CWF19L2: variants seen among roughly 807,000 people sequenced by gnomAD.
CWF19L2 encodes CWF19 like cell cycle control factor 2.
Under a neutral mutation model 111.7 loss-of-function variants are expected in CWF19L2, and 98 were observed. The ratio of observed to expected loss-of-function variants is 0.88; its 90% CI spans 0.75 to 1.04. CWF19L2 has a LOEUF of 1.04. Among genes scored for constraint, CWF19L2 ranks in the 50% least tolerant of loss-of-function variants. CWF19L2 has a pLI of 0.00. For missense variants in CWF19L2, 1,101 were observed against 1,051.4 expected (o/e 1.05, Z -0.65); for synonymous variants, 351 against 342.9 (o/e 1.02, Z -0.26).
chr11:107,448,973 C>T (rs1861740295), intron 3 of CWF19L2, among the ~76,000 whole-genome samples: 2 of 151,520 alleles, frequency 1.3e-5, no homozygotes, highest in African/African-American at 4.9e-5. Context: ...AATACCAAGA[C>T]ATATCACAAT....
intron 3 of CWF19L2, among the ~76,000 whole-genome samples, chr11:107,448,837 C>T (rs899703787): frequency 3.9e-5 from 6 of 152,150 alleles, no homozygotes; most frequent in Non-Finnish European, 8.8e-5. Context: ...CTACCAGCGC[C>T]TCGATCTTAG....
In CWF19L2 at chr11:107,374,428, G is replaced by C. The variant is rs1319039873; in HGVS notation, c.1872+15646C>G. On this transcript the variant is annotated intron_variant, in intron 12 of 17. Coordinates refer to ENST00000282251, the MANE Select transcript of CWF19L2 (RefSeq NM_152434.3). Reference sequence around the variant, plus strand: ...CAGACTAACAGCAGATCTCTCGGCAGAAACTCTACAAGCCAGAAGAGAGTG... The same window carrying C: ...CAGACTAACAGCAGATCTCTCGGCACAAACTCTACAAGCCAGAAGAGAGTG... 2.7e-4 allele frequency among the ~76,000 whole-genome samples: 36 copies of C among 134,844 alleles called. 5 individuals are homozygous for C. Among genetic ancestry groups the C allele is most frequent in the African/African-American group, 1.1e-3 (36 of 32,620 alleles). 88.5% of individuals were successfully genotyped at this position (134,844 alleles called of 152,430 possible). A position where few individuals can be genotyped will look rare whatever the true frequency, so the allele number is the denominator to read the frequency against.
Position 107,429,225 on chromosome 11 carries a change from T to A in CWF19L2, c.1007A>T (p.Glu336Val), listed in dbSNP as rs758679994. 1 of 1,612,772 alleles carries A rather than the reference T, an allele frequency of 6.2e-7. No individual in the cohort carries two copies. The highest frequency in any genetic ancestry group is 1.1e-5 in the South Asian group (1 of 90,688). ...TAAAGACCCAGGTCTCTTATCTTTT[T>A]CATCACCAATAAATTTTTCATTATT... is the stretch of plus-strand genomic sequence containing the variant. ...NSNNEKFIGD[E>V]KDKRPGSLET... Residue 336 changes from glutamate (E) to valine (V), a missense_variant, in exon 8 of 18, where the codon GAA becomes GTA. By Grantham distance (121) the Glu-to-Val change is moderately radical. Transcript: ENST00000282251.
intron 5 of CWF19L2, among the ~76,000 whole-genome samples, chr11:107,440,029 A>C (rs1259454172): frequency 6.6e-6 from 1 of 152,206 alleles, no homozygotes; most frequent in Non-Finnish European, 1.5e-5. Context: ...TGTTCTAAGC[A>C]CGATGCCAGG....
chr11:107,334,913 T>C lies in CWF19L2; in HGVS notation c.2407A>G (p.Ile803Val), dbSNP rs1353344392. The change falls in exon 16 of 18, where the codon ATA becomes GTA. Residue 803 changes from isoleucine (I) to valine (V), a missense_variant. By Grantham distance (29) the Ile-to-Val change is conservative. Coordinates refer to ENST00000282251, the MANE Select transcript of CWF19L2 (RefSeq NM_152434.3). ...DEEWSMNKKL[I>V]DLSSKDIRKS... The stretch of plus-strand genomic sequence containing the variant: ...CTGATATCTTTTGAAGAGAGATCTA[T>C]CAACTTCTTGTTCATGGACCACTCT... The C allele has an allele frequency of 6.2e-7, 1 of 1,607,726 alleles. No homozygotes were observed.
intron 15 of CWF19L2, among the ~76,000 whole-genome samples, chr11:107,336,124 G>A (rs1261795306): frequency 1.3e-5 from 2 of 152,030 alleles, no homozygotes; most frequent in East Asian, 2.0e-4. Context: ...AGGAGGCTGA[G>A]ACAGGAGAAT....
intron 4 of CWF19L2, 38 bp downstream of exon 4, chr11:107,442,901 G>GAAGGAAGC: frequency 7.8e-7 from 1 of 1,289,814 alleles, no homozygotes; most frequent in East Asian, 2.5e-5. Context: ...AGGAAGGAAG[G>GAAGGAAGC]AAGAAAGCAA....
At chr11:107,390,487 C>CGTAG (rs1440856562) in intron 11 of CWF19L2, among the ~76,000 whole-genome samples, 1 of 152,206 alleles carries the variant, frequency 6.6e-6, no homozygotes, top group Non-Finnish European at 1.5e-5. Flanking sequence ...AACTGCTCTA[C>CGTAG]CCCTTCTTCT....
At chr11:107,357,807 A>G (rs686806) in intron 12 of CWF19L2, among the ~76,000 whole-genome samples, 125,819 of 152,188 alleles carry the variant, frequency 0.83, 52,582 homozygotes, top group African/African-American at 0.95. Flanking sequence ...CCGTATTCTC[A>G]TTATTTGAGA....
At chr11:107,376,222 C>T (rs1416805606) in intron 12 of CWF19L2, among the ~76,000 whole-genome samples, 1 of 114,550 alleles carries the variant, frequency 8.7e-6, no homozygotes, top group Non-Finnish European at 1.8e-5. Flanking sequence ...TGAAACTATT[C>T]CAATCAATAG....
At chr11:107,442,328 T>A (rs1218837203) in intron 4 of CWF19L2, among the ~76,000 whole-genome samples, 1 of 152,166 alleles carries the variant, frequency 6.6e-6, no homozygotes, top group African/African-American at 2.4e-5. Context: ...CTGAAGAAAT[T>A]TTAATCATCT....
At chr11:107,381,706 T>C (rs1343350510) in intron 12 of CWF19L2, among the ~76,000 whole-genome samples, 1 of 152,168 alleles carries the variant, frequency 6.6e-6, no homozygotes, top group Non-Finnish European at 1.5e-5. Context: ...ACTTAATCTC[T>C]CAAAATCTGA....
intron 17 of CWF19L2, among the ~76,000 whole-genome samples, chr11:107,328,138 C>CAAAAAA (rs10578324): frequency 8.4e-6 from 1 of 118,430 alleles, no homozygotes; most frequent in African/African-American, 3.3e-5. Context: ...TGTGGAGACT[C>CAAAAAA]AAAAAAAAAA....
At chr11:107,328,502 G>A (rs1342751426) in intron 17 of CWF19L2, among the ~76,000 whole-genome samples, 1 of 152,134 alleles carries the variant, frequency 6.6e-6, no homozygotes, top group Non-Finnish European at 1.5e-5. Flanking sequence ...CAGACTGCAG[G>A]GAGGTCTTGA....
At chr11:107,342,188 T>C (rs796906074) in intron 14 of CWF19L2, among the ~76,000 whole-genome samples, 16 of 152,168 alleles carry the variant, frequency 1.1e-4, no homozygotes, top group African/African-American at 3.4e-4. Flanking sequence ...TAAATTTCTC[T>C]CTCGGCACTC....
At chr11:107,356,408 A>G (rs1860237931) in intron 12 of CWF19L2, among the ~76,000 whole-genome samples, 1 of 152,208 alleles carries the variant, frequency 6.6e-6, no homozygotes, top group Non-Finnish European at 1.5e-5. Context: ...AGGTAAAAAG[A>G]TTATTACCAA....
chr11:107,408,634 T>TTTCTAACTGGTAA (rs1861114961), intron 10 of CWF19L2, among the ~76,000 whole-genome samples: 1 of 151,970 alleles, frequency 6.6e-6, no homozygotes, highest in African/African-American at 2.4e-5. Flanking sequence ...TAAGATGGTA[T>TTTCTAACTGGTAA]TTCTAACTGC....
intron 10 of CWF19L2, chr11:107,404,640 C>T: frequency 2.0e-6 from 1 of 503,028 alleles, no homozygotes; most frequent in South Asian, 1.8e-5. Flanking sequence ...CCCACGCTTA[C>T]CCCAACAGAT....
rs1206583265 is a variant in CWF19L2, at chr11:107,373,303, C to T, written c.1872+16771G>A. Among the ~76,000 whole-genome samples the T allele has an allele frequency of 1.6e-4, 21 of 128,792 alleles. 4 individuals are homozygous for T. In the South Asian group the frequency reaches 2.1e-3, roughly 13 times the overall value. The allele number at this position is 128,792 out of a possible 152,430, so 84.5% of individuals were successfully genotyped here. Reference sequence around the variant, plus strand: ...GGAGGACTGCCTGCCTCTGTAGGCTCCACCTCTGGGGGCAGGGCACAGACA... The same window carrying T: ...GGAGGACTGCCTGCCTCTGTAGGCTTCACCTCTGGGGGCAGGGCACAGACA... On this transcript the variant is annotated intron_variant, in intron 12 of 17. Coordinates refer to ENST00000282251, the MANE Select transcript of CWF19L2 (RefSeq NM_152434.3).
Sources: allele counts gnomAD v4.1 joint callset (sites outside exome capture counted in the v4.1 genomes callset), GRCh38; gene constraint gnomAD v4.1.1; transcripts MANE v1.5; gene names NCBI Gene and HGNC (gene_info 2026-07-23, HGNC 2026-07-21).